ABI3BP: variants seen among roughly 807,000 people sequenced by gnomAD.
ABI3BP encodes the protein target of Nesh-SH3.
ABI3BP carries 216 observed loss-of-function variants against 268.6 expected under a neutral mutation model. The ratio of observed to expected loss-of-function variants is 0.80; its 90% confidence interval spans 0.72 to 0.90. ABI3BP has a LOEUF of 0.90. ABI3BP is among the 40% of genes least tolerant of loss of function. ABI3BP has a pLI of 0.00. For synonymous variants in ABI3BP, 730 were observed against 730.0 expected, an observed-to-expected ratio of 1.00 and a Z score of 0.00; for missense variants, 2,090 against 2,182.4, an observed-to-expected ratio of 0.96 and a Z score of 0.84.
At chr3:100,927,306 G>A (rs560314695) in intron 1 of ABI3BP, among the ~76,000 whole-genome samples, 1 of 152,214 alleles carries the variant, frequency 6.6e-6, no homozygotes, top group Admixed American at 6.5e-5. Flanking sequence ...TTTGCCTTTG[G>A]AGCCAGAAGG....
At chr3:100,869,330 G>T (rs916368816) in intron 9 of ABI3BP, among the ~76,000 whole-genome samples, 17 of 49,758 alleles carry the variant, frequency 3.4e-4, no homozygotes, top group Middle Eastern at 0.023. Context: ...CTTCTTTTTG[G>T]TTTTTTTTTT....
intron 3 of ABI3BP, among the ~76,000 whole-genome samples, chr3:100,901,687 A>G (rs1224748812): frequency 1.3e-5 from 2 of 151,918 alleles, no homozygotes; most frequent in East Asian, 3.9e-4. Flanking sequence ...AATGGCGTGA[A>G]CCTGGGAGGC....
At chr3:100,992,561 C>A (rs1307620334) in intron 1 of ABI3BP, among the ~76,000 whole-genome samples, 1 of 152,162 alleles carries the variant, frequency 6.6e-6, no homozygotes, top group African/African-American at 2.4e-5. Flanking sequence ...TGCAGAGAAA[C>A]AAAAGTACAT....
intron 14 of ABI3BP, among the ~76,000 whole-genome samples, chr3:100,857,444 T>C (rs938036623): frequency 1.3e-5 from 2 of 152,224 alleles, no homozygotes; most frequent in Non-Finnish European, 2.9e-5. Context: ...GTTATTTAAC[T>C]GGTAGTTGAG....
chr3:100,778,233 C>T (rs2096763435), intron 59 of ABI3BP, 51 bp downstream of exon 59: 3 of 1,566,194 alleles, frequency 1.9e-6, no homozygotes, highest in Non-Finnish European at 2.6e-6. Flanking sequence ...CTTATGTTGG[C>T]TAGTAAAACC....
chr3:100,966,535 A>G (rs2153835560), intron 1 of ABI3BP, among the ~76,000 whole-genome samples: 1 of 152,368 alleles, frequency 6.6e-6, no homozygotes, highest in South Asian at 2.1e-4. Flanking sequence ...TGAAAGTAAA[A>G]TAGTGAAACA....
chr3:100,838,240 C>G lies in ABI3BP; in HGVS notation c.2053G>C (p.Ala685Pro), dbSNP rs748514489. 4.3e-5 allele frequency: 66 copies of G among 1,536,410 alleles called. No homozygotes were observed. Among genetic ancestry groups the G allele is most frequent in the Non-Finnish European group, 5.5e-5 (63 of 1,146,826 alleles). ...KQLLPKPQTTAEPDMPPTKSV... is the reference protein window; with the variant it reads ...KQLLPKPQTTPEPDMPPTKSV... Reference sequence around the variant, plus strand: ...TTAGTTGGTGGCATGTCTGGTTCTGCTGTGGTTTGGGGTTTAGGAAGTAAT... The same window carrying G: ...TTAGTTGGTGGCATGTCTGGTTCTGGTGTGGTTTGGGGTTTAGGAAGTAAT... Residue 685 changes from alanine (A) to proline (P), a missense_variant, in exon 26 of 68, where the codon GCA becomes CCA. Coordinates refer to ENST00000471714, the MANE Select transcript of ABI3BP (RefSeq NM_001375547.2).
intron 6 of ABI3BP, among the ~76,000 whole-genome samples, chr3:100,880,061 C>T (rs1177744847): frequency 6.6e-6 from 1 of 152,226 alleles, no homozygotes; most frequent in Non-Finnish European, 1.5e-5. Flanking sequence ...CTTAATAGAA[C>T]TGTTTTACGT....
intron 2 of ABI3BP, among the ~76,000 whole-genome samples, chr3:100,912,445 A>C (rs556284586): frequency 6.6e-6 from 1 of 152,300 alleles, no homozygotes; most frequent in Non-Finnish European, 1.5e-5. Context: ...ACTGATTTGC[A>C]GTAGAAAATG....
chr3:100,913,342 G>A (rs968556702), intron 2 of ABI3BP, among the ~76,000 whole-genome samples: 3 of 152,090 alleles, frequency 2.0e-5, no homozygotes, highest in African/African-American at 2.4e-5. Context: ...AATCAATAAC[G>A]ACTACAGAAA....
At chr3:100,823,664 G>A (rs889252211) in intron 36 of ABI3BP, 150 bp from the exon 37 acceptor site, 1 of 634,390 alleles carries the variant, frequency 1.6e-6, no homozygotes, top group Admixed American at 3.2e-5. Context: ...ATGTGTGTTT[G>A]TTCATTGATG....
At chr3:100,825,411 C>T (rs77195266) in intron 35 of ABI3BP, among the ~76,000 whole-genome samples, 70 of 150,906 alleles carry the variant, frequency 4.6e-4, no homozygotes, top group Non-Finnish European at 5.2e-4. Flanking sequence ...CTCAGATGTG[C>T]AAAGGAAAGT....
intron 1 of ABI3BP, among the ~76,000 whole-genome samples, chr3:100,928,319 C>T (rs2062506774): frequency 6.6e-6 from 1 of 151,988 alleles, no homozygotes; most frequent in Non-Finnish European, 1.5e-5. Context: ...CTTAATAATT[C>T]ACATTCTATT....
intron 28 of ABI3BP, 107 bp downstream of exon 28, chr3:100,835,491 GGAT>G (rs1348994775): frequency 1.3e-6 from 1 of 783,266 alleles, no homozygotes; most frequent in Non-Finnish European, 2.0e-6. Context: ...AATGACAAGA[GGAT>G]GATGAGAAAA....
intron 9 of ABI3BP, among the ~76,000 whole-genome samples, chr3:100,873,442 G>A (rs1344724952): frequency 6.6e-6 from 1 of 152,014 alleles, no homozygotes; most frequent in Non-Finnish European, 1.5e-5. Context: ...GGGAAAGGGG[G>A]AAAAAGGAAA....
At chr3:100,874,749 C>T in intron 9 of ABI3BP, 92 bp downstream of exon 9, 1 of 720,742 alleles carries the variant, frequency 1.4e-6, no homozygotes, top group Non-Finnish European at 2.2e-6. Context: ...GATCCTCAAA[C>T]AGCTCATTAG....
intron 16 of ABI3BP, among the ~76,000 whole-genome samples, chr3:100,850,347 G>C (rs1402863059): frequency 6.6e-6 from 1 of 152,188 alleles, no homozygotes; most frequent in Admixed American, 6.6e-5. Flanking sequence ...TTGATGCATG[G>C]AAGTAAAGTG....
At chr3:100,759,533 A>AT (rs943064908) in intron 63 of ABI3BP, among the ~76,000 whole-genome samples, 4 of 152,112 alleles carry the variant, frequency 2.6e-5, no homozygotes, top group Admixed American at 6.5e-5. Flanking sequence ...CATAAGGGGC[A>AT]TTTTTTTGTG....
At chr3:100,911,820 T>C in intron 2 of ABI3BP, 4 of 1,571,528 alleles carry the variant, frequency 2.5e-6, no homozygotes, top group Non-Finnish European at 3.5e-6. Context: ...GTTTGAAAAA[T>C]GCTCCTGCAA....
Sources: allele counts gnomAD v4.1 joint callset (sites outside exome capture counted in the v4.1 genomes callset), GRCh38; gene constraint gnomAD v4.1.1; transcripts MANE v1.5; gene names NCBI Gene and HGNC (gene_info 2026-07-23, HGNC 2026-07-21).